Variants in UIMC1 observed in about 807,000 individuals in gnomAD.
UIMC1 encodes BRCA1-A complex subunit RAP80.
In UIMC1, 42 loss-of-function variants were observed where a neutral mutation model predicts 84.9. That is an observed-to-expected ratio of 0.49 (90% CI 0.39 to 0.64). The LOEUF (loss-of-function observed/expected upper bound fraction) is 0.64, where lower values mean the gene tolerates loss of function less well. UIMC1 is among the 30% of genes least tolerant of loss of function. The pLI is 0.00. For synonymous variants in UIMC1, 281 were observed against 293.0 expected (o/e 0.96, Z 0.42); for missense variants, 825 against 847.6 (o/e 0.97, Z 0.33).
intron 1 of UIMC1, among the ~76,000 whole-genome samples, chr5:177,020,921 T>C (rs1236042462): frequency 6.6e-6 from 1 of 152,150 alleles, no homozygotes; most frequent in Non-Finnish European, 1.5e-5. Flanking sequence ...ATTAAACAAA[T>C]GTTTTGTATA....
rs1216783073 is a variant in UIMC1, at chr5:176,961,055, C to T, written c.1201-2901G>A. On this transcript the variant is annotated intron_variant, in intron 6 of 14. Transcript: ENST00000511320. Reference sequence around the variant, plus strand: ...TGCAGCCTCTGCCCGGCCGCCACCCCGTCTGGGAAGTGAGGAGTGTCTCTG... The same window carrying T: ...TGCAGCCTCTGCCCGGCCGCCACCCTGTCTGGGAAGTGAGGAGTGTCTCTG... Among the ~76,000 whole-genome samples, 5 of 63,356 alleles carry T rather than the reference C, an allele frequency of 7.9e-5. 2 individuals are homozygous for T. The highest frequency in any genetic ancestry group is 1.4e-4 in the Non-Finnish European group (5 of 35,604). The allele number at this position is 63,356 out of a possible 152,430, so 41.6% of individuals were successfully genotyped here. A position where few individuals can be genotyped will look rare whatever the true frequency, so the allele number is the denominator to read the frequency against.
rs779279628 is a variant in UIMC1 at position 176,950,100 on chromosome 5, C to CTTT, written c.1443+1371_1443+1373dup. ...TTCCAGAATATAAAAAGGAACCTTT[C>CTTT]TTTTTTTTTTTTTTTTTTGAGACGG... On this transcript the variant is annotated intron_variant, in intron 9 of 14. Coordinates refer to ENST00000511320, the MANE Select transcript of UIMC1 (RefSeq NM_001199298.2). Among the ~76,000 whole-genome samples, 562 of 108,666 alleles carry CTTT rather than the reference C, an allele frequency of 5.2e-3. 32 individuals are homozygous for CTTT. The highest frequency in any genetic ancestry group is 0.021 in the African/African-American group (523 of 25,198). The allele number at this position is 108,666 out of a possible 152,430, so 71.3% of individuals were successfully genotyped here.
intron 1 of UIMC1, among the ~76,000 whole-genome samples, chr5:177,002,727 G>T (rs1195155318): frequency 1.3e-5 from 2 of 152,206 alleles, no homozygotes; most frequent in Admixed American, 1.3e-4. Flanking sequence ...GAACCCAGGA[G>T]GCGGAGCTTG....
At chr5:176,942,322 G>A (rs911033498) in intron 10 of UIMC1, among the ~76,000 whole-genome samples, 10 of 152,200 alleles carry the variant, frequency 6.6e-5, no homozygotes, top group East Asian at 1.9e-4. Context: ...AATGAAAAAC[G>A]TGGAACTTAG....
At chr5:176,986,386 A>C (rs993072102) in intron 1 of UIMC1, among the ~76,000 whole-genome samples, 1 of 147,686 alleles carries the variant, frequency 6.8e-6, no homozygotes, top group African/African-American at 2.6e-5. Flanking sequence ...AAAAAAAAAA[A>C]AGTAAGGCAC....
At chr5:176,984,299 C>T (rs1401709704) in intron 1 of UIMC1, among the ~76,000 whole-genome samples, 1 of 120,860 alleles carries the variant, frequency 8.3e-6, no homozygotes, top group African/African-American at 2.8e-5. Context: ...CCGGCCGCCA[C>T]CCCGTCTGGG....
intron 1 of UIMC1, among the ~76,000 whole-genome samples, chr5:177,004,016 G>A (rs1297538015): frequency 6.6e-6 from 1 of 152,122 alleles, no homozygotes; most frequent in African/African-American, 2.4e-5. Context: ...TTTTTGTAGA[G>A]ACTGGGTTTC....
intron 1 of UIMC1, among the ~76,000 whole-genome samples, chr5:176,988,147 A>C (rs972216622): frequency 6.6e-6 from 1 of 152,086 alleles, no homozygotes; most frequent in East Asian, 1.9e-4. Context: ...AAAAAAAAAA[A>C]AAAACTCAAA....
chr5:176,995,992 T>C (rs1773560359), intron 1 of UIMC1, among the ~76,000 whole-genome samples: 1 of 152,100 alleles, frequency 6.6e-6, no homozygotes, highest in African/African-American at 2.4e-5. Context: ...AAGACGTGAA[T>C]GTTCATCATA....
At chr5:176,913,235 T>C (rs901503342) in intron 10 of UIMC1, among the ~76,000 whole-genome samples, 1 of 152,194 alleles carries the variant, frequency 6.6e-6, no homozygotes, top group African/African-American at 2.4e-5. Context: ...GATTGACAAA[T>C]CTTCGAGTGC....
intron 3 of UIMC1, among the ~76,000 whole-genome samples, chr5:176,972,236 T>TA (rs1769350769): frequency 1.3e-5 from 2 of 149,630 alleles, no homozygotes; most frequent in African/African-American, 2.5e-5. Context: ...CCGTCTCTAC[T>TA]AAAAAAATAC....
intron 3 of UIMC1, among the ~76,000 whole-genome samples, chr5:176,973,308 A>G (rs1395419908): frequency 1.3e-5 from 2 of 152,224 alleles, no homozygotes; most frequent in African/African-American, 4.8e-5. Flanking sequence ...ATAAAATAAA[A>G]TAAAAATCTT....
At chr5:176,958,201 T>C (rs1434923767) in intron 6 of UIMC1, 47 bp from the exon 7 acceptor site, 3 of 1,501,894 alleles carry the variant, frequency 2.0e-6, no homozygotes, top group Admixed American at 3.8e-5. Flanking sequence ...ACAGGTGAAC[T>C]GGCTTCTCTT....
intron 2 of UIMC1, among the ~76,000 whole-genome samples, chr5:176,978,917 G>A (rs760354831): frequency 6.6e-6 from 1 of 152,116 alleles, no homozygotes; most frequent in Non-Finnish European, 1.5e-5. Context: ...GTGCTCTATT[G>A]CTAGTATCAA....
chr5:176,949,979 C>T (rs891109009), intron 9 of UIMC1, among the ~76,000 whole-genome samples: 6 of 151,436 alleles, frequency 4.0e-5, no homozygotes, highest in Non-Finnish European at 8.8e-5. Context: ...ACTAAAACTC[C>T]GGGAGGTGGA....
intron 10 of UIMC1, among the ~76,000 whole-genome samples, chr5:176,924,350 C>T (rs187867076): frequency 1.6e-4 from 24 of 151,686 alleles, no homozygotes; most frequent in Admixed American, 9.8e-4. Context: ...ATAATATCTA[C>T]CACAATCTTG....
intron 9 of UIMC1, among the ~76,000 whole-genome samples, chr5:176,947,095 TA>T (rs1316966696): frequency 1.3e-5 from 2 of 152,192 alleles, no homozygotes; most frequent in African/African-American, 4.8e-5. Flanking sequence ...CTTTAACTAT[TA>T]ATGTATTCAA....
chr5:176,969,199 T>G lies in UIMC1; in HGVS notation c.556A>C (p.Thr186Pro). 6.2e-7 allele frequency: 1 copy of G among 1,614,188 alleles called. No homozygotes were observed. Among genetic ancestry groups the G allele is most frequent in the Non-Finnish European group, 8.5e-7 (1 of 1,180,024 alleles). Residue 186 changes from threonine (T) to proline (P), a missense_variant, in exon 6 of 15, where the codon ACT becomes CCT. By Grantham distance (38) the Thr-to-Pro change is conservative. Transcript: ENST00000511320. ...ACCGGCTCCTCTTCAGTTTTTTCAG[T>G]GTGGTCCCAAGGCTCCTCTCTTTCC... ...AEEREEPWDH[T>P]EKTEEEPVSG...
intron 10 of UIMC1, among the ~76,000 whole-genome samples, chr5:176,942,576 A>G: frequency 6.9e-6 from 1 of 145,464 alleles, no homozygotes; most frequent in African/African-American, 2.5e-5. Flanking sequence ...CCCCATCTCT[A>G]CTAAAAAAAA....
Sources: allele counts gnomAD v4.1 joint callset (sites outside exome capture counted in the v4.1 genomes callset), GRCh38; gene constraint gnomAD v4.1.1; transcripts MANE v1.5; gene names NCBI Gene and HGNC (gene_info 2026-07-23, HGNC 2026-07-21).